The following RPS24 variants were observed in gnomAD, a reference collection of about 807,000 sequenced individuals.
The protein encoded by RPS24 is small ribosomal subunit protein eS24.
For synonymous variants in RPS24, 72 were observed against 55.6 expected (o/e 1.30, Z -1.31); for missense variants, 100 against 162.5 (o/e 0.62, Z 2.09).
At chr10:78,045,418 C>T (rs1249171641), downstream of RPS24, among the ~76,000 whole-genome samples, 1 of 152,140 alleles carries the variant, frequency 6.6e-6, no homozygotes, top group Non-Finnish European at 1.5e-5. Context: ...CTTCTATTTC[C>T]CTCCCTGTGT....
chr10:78,048,623 T>C (rs1848068526), intron 4 of RPS24, among the ~76,000 whole-genome samples: 1 of 151,980 alleles, frequency 6.6e-6, no homozygotes, highest in Admixed American at 6.6e-5. Flanking sequence ...GGCTCACGCC[T>C]GTAATCACGT....
At position 78,053,168 on chromosome 10, in the gene RPS24, A is replaced by AC. The variant is rs201016545; in HGVS notation, c.391-1363_391-1362insC. Among the ~76,000 whole-genome samples the AC allele has an allele frequency of 7.7e-3, 1,087 of 141,756 alleles. 23 individuals are homozygous for AC. Among genetic ancestry groups the AC allele is most frequent in the Non-Finnish European group, 0.011 (713 of 65,138 alleles). The allele number at this position is 141,756 out of a possible 152,430, so 93.0% of individuals were successfully genotyped here. On this transcript the variant is annotated intron_variant, in intron 4 of 4. Coordinates refer to the RPS24 transcript ENST00000440692. Reference sequence around the variant, plus strand: ...AATTCCGTCTCAAAAAAACAAACAAAAACAACAACAACAACAACAAAAAAA... The same window carrying AC: ...AATTCCGTCTCAAAAAAACAAACAAACAACAACAACAACAACAACAAAAAAA...
At chr10:78,038,015 A>G (rs1013458610) in intron 4 of RPS24, 2 of 1,254,764 alleles carry the variant, frequency 1.6e-6, no homozygotes, top group Non-Finnish European at 2.1e-6. Flanking sequence ...GTGGGGATGC[A>G]TCACCTTCAC....
intron 4 of RPS24, among the ~76,000 whole-genome samples, chr10:78,053,420 C>T (rs937736761): frequency 6.6e-6 from 1 of 152,170 alleles, no homozygotes; most frequent in African/African-American, 2.4e-5. Context: ...CCTGTCCACG[C>T]AGCTGGGATC....
chr10:78,049,497 GC>G (rs1848078465), intron 4 of RPS24, among the ~76,000 whole-genome samples: 2 of 152,308 alleles, frequency 1.3e-5, no homozygotes, highest in East Asian at 3.9e-4. Flanking sequence ...CCCCCTGGAT[GC>G]CCAGGAGCCT....
intron 3 of RPS24, chr10:78,036,416 C>G (rs1347371096): frequency 6.5e-6 from 1 of 154,298 alleles, no homozygotes; most frequent in African/African-American, 2.4e-5. Context: ...CGCAACTCTT[C>G]TGCCTGAGCT....
chr10:78,039,366 C>T (rs1847942871), intron 4 of RPS24: 1 of 152,242 alleles, frequency 6.6e-6, no homozygotes, highest in Non-Finnish European at 1.5e-5. Flanking sequence ...TTGAGTCCCA[C>T]AGGTATGGAG....
exon 5 of RPS24, chr10:78,056,408 G>A (rs1467789776): frequency 1.3e-5 from 2 of 152,178 alleles, no homozygotes; most frequent in Non-Finnish European, 2.9e-5. Flanking sequence ...GGTGGGTCTT[G>A]GTTGGCCTAA....
intron 1 of RPS24, 95 bp from the exon 2 acceptor site, chr10:78,035,238 CGCTACATGACTAATGGCTA>C: frequency 9.6e-7 from 1 of 1,040,896 alleles, no homozygotes; most frequent in Non-Finnish European, 1.5e-6. Flanking sequence ...TACTTTAGTT[CGCTACATGACTAATGGCTA>C]CAAATTGGAC....
chr10:78,042,216 A>G (rs1847993626), downstream of RPS24, among the ~76,000 whole-genome samples: 1 of 152,230 alleles, frequency 6.6e-6, no homozygotes, highest in African/African-American at 2.4e-5. Flanking sequence ...TGGGACAGGT[A>G]TTCTCTGGTC....
chr10:78,037,590 A>G (rs1847900225), intron 4 of RPS24: 1 of 402,510 alleles, frequency 2.5e-6, no homozygotes. Context: ...CTATCACAAG[A>G]AGTTTTAATT....
chr10:78,043,900 TGAA>T (rs924855420), downstream of RPS24, among the ~76,000 whole-genome samples: 1 of 152,180 alleles, frequency 6.6e-6, no homozygotes, highest in Non-Finnish European at 1.5e-5. Flanking sequence ...ATGATCCTCT[TGAA>T]GTGTCATCAG....
intron 4 of RPS24, chr10:78,037,861 G>A (rs1433564095): frequency 2.7e-6 from 2 of 749,496 alleles, no homozygotes; most frequent in African/African-American, 2.0e-5. Context: ...GAATTAAGGT[G>A]TTGGGTTGTT....
chr10:78,053,845 C>A (rs1179423311), intron 4 of RPS24, among the ~76,000 whole-genome samples: 1 of 152,084 alleles, frequency 6.6e-6, no homozygotes, highest in African/African-American at 2.4e-5. Context: ...GGGTAGACAT[C>A]AAGGTGGGCA....
intron 4 of RPS24, among the ~76,000 whole-genome samples, chr10:78,047,515 C>T (rs564996017): frequency 1.3e-5 from 2 of 152,156 alleles, no homozygotes; most frequent in African/African-American, 2.4e-5. Flanking sequence ...TTGTCAAGAC[C>T]GCTACCCTTG....
rs926830288 is a variant in RPS24, at chr10:78,035,516, T to G, written c.75T>G (p.Ile25Met). Residue 25 changes from isoleucine (I) to methionine (M), a missense_variant, in exon 3 of 6, where the codon ATT (isoleucine) becomes ATG (methionine). Physicochemically the swap from Ile to Met is conservative, Grantham distance 10. Transcript: ENST00000372360. ...AACTTGATATCTCCTTTTAGGTCAT[T>G]GATGTCCTTCACCCCGGGAAGGCGA... ...NRLLQRKQMV[I>M]DVLHPGKATV... The G allele has an allele frequency of 6.2e-7, 1 of 1,614,148 alleles. No individual in the cohort carries two copies. The highest frequency in any genetic ancestry group is 1.3e-5 in the African/African-American group (1 of 75,056).
intron 5 of RPS24, 47 bp downstream of exon 5, chr10:78,040,272 T>C: frequency 2.6e-6 from 4 of 1,509,488 alleles, no homozygotes; most frequent in South Asian, 2.2e-5. Flanking sequence ...CTAGACTCCT[T>C]GGTGTACTGA....
intron 4 of RPS24, among the ~76,000 whole-genome samples, chr10:78,051,419 A>C (rs2131993649): frequency 6.6e-6 from 1 of 152,386 alleles, no homozygotes; most frequent in South Asian, 2.1e-4. Context: ...AGCATGTATC[A>C]GTAATTTATT....
chr10:78,051,108 TGA>T (rs1848094776), intron 4 of RPS24, among the ~76,000 whole-genome samples: 1 of 152,190 alleles, frequency 6.6e-6, no homozygotes, highest in Non-Finnish European at 1.5e-5. Context: ...GAGAATCCCT[TGA>T]ACCTGGAAGG....
Sources: allele counts gnomAD v4.1 joint callset (sites outside exome capture counted in the v4.1 genomes callset), GRCh38; gene constraint gnomAD v4.1.1; transcripts MANE v1.5; gene names NCBI Gene and HGNC (gene_info 2026-07-23, HGNC 2026-07-21).